The following NRXN3 variants were observed in gnomAD, a reference collection of about 807,000 sequenced individuals.
NRXN3 encodes neurexin 3.
In NRXN3, 32 loss-of-function variants were observed where a neutral mutation model predicts 137.6. The observed-to-expected ratio is 0.23, with a 90% CI of 0.18 to 0.31. The LOEUF is 0.31. Among genes scored for constraint, NRXN3 ranks in the 10% least tolerant of loss-of-function variants. The pLI, the probability that NRXN3 is intolerant of heterozygous loss-of-function variation, is 1.00. For synonymous variants in NRXN3, 798 were observed against 784.5 expected, an observed-to-expected ratio of 1.02 and a Z score of -0.29; for missense variants, 1,574 against 2,062.5, an observed-to-expected ratio of 0.76 and a Z score of 4.59.
chr14:78,934,986 G>A (rs997072200), intron 10 of NRXN3, among the ~76,000 whole-genome samples: 3 of 150,902 alleles, frequency 2.0e-5, no homozygotes, highest in South Asian at 2.1e-4. Context: ...AATAATAAAA[G>A]AAGAAATAGA....
At chr14:78,679,288 C>A (rs2098046859) in intron 6 of NRXN3, among the ~76,000 whole-genome samples, 1 of 152,166 alleles carries the variant, frequency 6.6e-6, no homozygotes, top group South Asian at 2.1e-4. Flanking sequence ...CAATTCTCAT[C>A]ACAGAATGTC....
At chr14:78,350,289 C>CAA (rs35583372) in intron 4 of NRXN3, among the ~76,000 whole-genome samples, 5 of 137,342 alleles carry the variant, frequency 3.6e-5, no homozygotes, top group Admixed American at 1.4e-4. Flanking sequence ...AACTTCATCT[C>CAA]AAAAAAAAAA....
intron 8 of NRXN3, among the ~76,000 whole-genome samples, chr14:78,754,144 G>A (rs1054334031): frequency 3.3e-5 from 5 of 152,250 alleles, no homozygotes; most frequent in East Asian, 1.9e-4. Context: ...CGTTAGTTTC[G>A]GATTGTTAAG....
At position 78,952,632 on chromosome 14, in the gene NRXN3, A is replaced by G. The variant is rs978416830; in HGVS notation, c.2276-4610A>G. On this transcript the variant is annotated intron_variant, in intron 10 of 20. Transcript: ENST00000335750. ...AAATCTAACACAGTCCATCATTTTG[A>G]GCATTTATTAACCATATCATTTAGA... Among the ~76,000 whole-genome samples, 8 of 152,266 alleles carry G rather than the reference A, an allele frequency of 5.3e-5. No homozygotes were observed. In the East Asian group the frequency reaches 1.5e-3, roughly 29 times the overall value.
chr14:78,893,185 C>T (rs1209285652), intron 10 of NRXN3, among the ~76,000 whole-genome samples: 1 of 151,980 alleles, frequency 6.6e-6, no homozygotes, highest in Non-Finnish European at 1.5e-5. Flanking sequence ...ACACCCTGCG[C>T]AAGCTCATTC....
chr14:79,051,966 C>G (rs969037025), intron 15 of NRXN3, among the ~76,000 whole-genome samples: 2 of 152,116 alleles, frequency 1.3e-5, no homozygotes, highest in Non-Finnish European at 2.9e-5. Context: ...GAGTGAAAAG[C>G]AAAATGAAAC....
intron 4 of NRXN3, among the ~76,000 whole-genome samples, chr14:78,384,963 T>TA (rs951654029): frequency 6.6e-6 from 1 of 151,836 alleles, no homozygotes; most frequent in Non-Finnish European, 1.5e-5. Context: ...TCTTTCACCT[T>TA]AAAAAAAATG....
At chr14:78,447,932 T>C (rs981190141) in intron 4 of NRXN3, among the ~76,000 whole-genome samples, 21 of 152,202 alleles carry the variant, frequency 1.4e-4, no homozygotes, top group African/African-American at 4.6e-4. Context: ...GTAGTTGTCA[T>C]TGTTATTCCC....
chr14:79,641,777 G>C (rs960260136), intron 16 of NRXN3, among the ~76,000 whole-genome samples: 1 of 135,332 alleles, frequency 7.4e-6, no homozygotes, highest in South Asian at 2.3e-4. Flanking sequence ...AAACAGTTTT[G>C]GTGGTTGCTT....
At chr14:79,762,678 G>A (rs2099042674) in intron 19 of NRXN3, among the ~76,000 whole-genome samples, 1 of 151,508 alleles carries the variant, frequency 6.6e-6, no homozygotes, top group Admixed American at 6.6e-5. Context: ...TAGAATTGTT[G>A]TGAGGATTAA....
chr14:78,367,798 T>A (rs1350134393), intron 4 of NRXN3, among the ~76,000 whole-genome samples: 2 of 152,352 alleles, frequency 1.3e-5, no homozygotes, highest in East Asian at 3.9e-4. Context: ...AGCTGAAGTT[T>A]ACTTTTGCTT....
chr14:78,803,909 G>T, intron 9 of NRXN3, 86 bp downstream of exon 9: 1 of 1,339,624 alleles, frequency 7.5e-7, no homozygotes, highest in Non-Finnish European at 1.0e-6. Context: ...TGAATTCTTT[G>T]TTTGTTTCTT....
chr14:78,842,725 C>A (rs2099016034), intron 10 of NRXN3, among the ~76,000 whole-genome samples: 1 of 152,034 alleles, frequency 6.6e-6, no homozygotes, highest in Non-Finnish European at 1.5e-5. Context: ...AGACAGCCGC[C>A]CCCAAAGTGA....
chr14:79,166,944 C>T (rs904165424), intron 15 of NRXN3, among the ~76,000 whole-genome samples: 2 of 151,950 alleles, frequency 1.3e-5, no homozygotes, highest in African/African-American at 4.8e-5. Context: ...TTCTTTTAAT[C>T]CTCTCATTCA....
At chr14:79,541,154 T>C (rs1156424793) in intron 16 of NRXN3, among the ~76,000 whole-genome samples, 1 of 152,178 alleles carries the variant, frequency 6.6e-6, no homozygotes, top group African/African-American at 2.4e-5. Flanking sequence ...CTCAAACCTG[T>C]AATCCCAGCA....
At chr14:79,363,331 C>T (rs2093755736) in intron 15 of NRXN3, among the ~76,000 whole-genome samples, 1 of 152,136 alleles carries the variant, frequency 6.6e-6, no homozygotes, top group Non-Finnish European at 1.5e-5. Flanking sequence ...TTTCCTAGAG[C>T]AGTGTGGCTC....
intron 4 of NRXN3, among the ~76,000 whole-genome samples, chr14:78,381,881 C>T (rs1285825688): frequency 1.3e-5 from 2 of 152,044 alleles, no homozygotes; most frequent in Non-Finnish European, 2.9e-5. Flanking sequence ...CTTTAAATGA[C>T]AAAAATATAA....
intron 10 of NRXN3, among the ~76,000 whole-genome samples, chr14:78,871,112 A>G (rs1005928292): frequency 6.8e-6 from 1 of 147,398 alleles, no homozygotes; most frequent in African/African-American, 2.5e-5. Flanking sequence ...TGGTAGTTCT[A>G]TTTTTAGTTT....
rs140983095 is a variant in NRXN3 at position 79,079,948 on chromosome 14, A to G, written c.3262+91807A>G. On this transcript the variant is annotated intron_variant, in intron 15 of 20. Coordinates refer to ENST00000335750, the MANE Select transcript of NRXN3 (RefSeq NM_001330195.2). ...GGTTGTGGTGAGCTGAGATCATGCCATTGCACTCCAGCCTGGGAGACAGAG... is the reference window on the plus strand; with the variant it reads ...GGTTGTGGTGAGCTGAGATCATGCCGTTGCACTCCAGCCTGGGAGACAGAG... 1.7e-3 allele frequency among the ~76,000 whole-genome samples: 265 copies of G among 152,282 alleles called. 2 individuals carry two copies. The highest frequency in any genetic ancestry group is 3.4e-3 in the Middle Eastern group (1 of 294).
Sources: allele counts gnomAD v4.1 joint callset (sites outside exome capture counted in the v4.1 genomes callset), GRCh38; gene constraint gnomAD v4.1.1; transcripts MANE v1.5; gene names NCBI Gene and HGNC (gene_info 2026-07-23, HGNC 2026-07-21).